Variants in ALG3 observed in about 807,000 individuals in gnomAD.
ALG3 encodes dol-P-Man:Man(5)GlcNAc(2)-PP-Dol alpha-1,3-mannosyltransferase.
In ALG3, 39 loss-of-function variants were observed where a neutral mutation model predicts 50.5. The ratio of observed to expected loss-of-function variants is 0.77; its 90% CI spans 0.60 to 1.01. The LOEUF (loss-of-function observed/expected upper bound fraction) is 1.01, where lower values mean the gene tolerates loss of function less well. ALG3 is among the 50% of genes least tolerant of loss of function. ALG3 has a pLI of 0.00. For synonymous variants in ALG3, 252 were observed against 237.2 expected (o/e 1.06, Z -0.58); for missense variants, 520 against 554.8 (o/e 0.94, Z 0.63).
intron 1 of ALG3, 32 bp from the exon 2 acceptor site, chr3:184,245,844 TG>T (rs1303232322): frequency 7.0e-6 from 11 of 1,573,614 alleles, no homozygotes; most frequent in Non-Finnish European, 8.7e-6. Flanking sequence ...TGGTTACTTC[TG>T]AGTCTAGAAC....
chr3:184,245,972 G>A (rs1719125342), intron 1 of ALG3, among the ~76,000 whole-genome samples, 160 bp from the exon 2 acceptor site: 1 of 152,092 alleles, frequency 6.6e-6, no homozygotes, highest in African/African-American at 2.4e-5. Flanking sequence ...GGTGAGCCCA[G>A]GCATCTCAAA....
rs766486730 is a variant in ALG3, at chr3:184,243,568, G to T, written c.995C>A (p.Pro332His). ...TTAAAGGATATGGTTGGGTGTAAGGGGCTGGGGTGGAACCTTCCTTTTGGA... is the reference window on the plus strand; with the variant it reads ...TTAAAGGATATGGTTGGGTGTAAGGTGCTGGGGTGGAACCTTCCTTTTGGA... ...DPSKRKVPPQ[P>H]LTPNQIVSTL... The change falls in exon 7 of 9, where the codon CCC (proline) becomes CAC (histidine). Residue 332 changes from proline to histidine, a missense_variant. Physicochemically the swap from Pro to His is moderately conservative, Grantham distance 77. Transcript: ENST00000397676. 1.1e-5 allele frequency: 17 copies of T among 1,613,866 alleles called. No homozygotes were observed. In the Admixed American group the frequency reaches 2.8e-4, roughly 27 times the overall value.
chr3:184,247,410 G>A (rs947562022), intron 1 of ALG3, among the ~76,000 whole-genome samples: 3 of 150,624 alleles, frequency 2.0e-5, no homozygotes, highest in South Asian at 2.1e-4. Flanking sequence ...CAATTCTCCT[G>A]TCTCAACCTC....
In ALG3 at chr3:184,248,773, G is replaced by A; in HGVS notation, c.168C>T (p.Ile56=). ...AACLCLAEVG[I]TFWVIHRVAY... is the part of the protein sequence containing the mutation. ...CCACCCTGTGAATGACCCAGAAGGT[G>A]ATGCCCACCTCCGCCAGGCAGAGGC... Residue 56 remains isoleucine (I), a synonymous_variant, in exon 1 of 9, where the codon ATC becomes ATT. Transcript: ENST00000397676. The A allele has an allele frequency of 6.3e-7, 1 of 1,596,572 alleles. No individual in the cohort carries two copies. The highest frequency in any genetic ancestry group is 8.6e-7 in the Non-Finnish European group (1 of 1,168,980).
In ALG3 at chr3:184,248,755, G is replaced by A. The variant is rs1302268373; in HGVS notation, c.186C>T (p.His62=). The change falls in exon 1 of 9, where the codon CAC becomes CAT. Residue 62 remains histidine, a synonymous_variant. Coordinates refer to ENST00000397676, the MANE Select transcript of ALG3 (RefSeq NM_005787.6). ...CCTCGGCGCACTCACATGCCACCCT[G>A]TGAATGACCCAGAAGGTGATGCCCA... The part of the protein sequence containing the change: ...AEVGITFWVI[H]RVAYTEIDWK... The A allele has an allele frequency of 3.8e-6, 6 of 1,563,766 alleles. No individual in the cohort carries two copies. Among genetic ancestry groups the A allele is most frequent in the Non-Finnish European group, 5.2e-6 (6 of 1,149,748 alleles).
At chr3:184,249,364 A>G, upstream of ALG3, 1 of 1,379,468 alleles carries the variant, frequency 7.2e-7, no homozygotes, top group Non-Finnish European at 9.9e-7. Context: ...TGCTGAGAAA[A>G]ATGAACCTTT....
chr3:184,244,915 C>G (rs940957376), intron 4 of ALG3, 194 bp from the exon 5 acceptor site: 1 of 772,606 alleles, frequency 1.3e-6, no homozygotes, highest in Non-Finnish European at 2.1e-6. Flanking sequence ...TACATAGTCT[C>G]TATGCCTACT....
In ALG3 at chr3:184,248,674, G is replaced by A. The variant is rs537361960; in HGVS notation, c.196+71C>T. 45 of 1,388,390 alleles carry A rather than the reference G, an allele frequency of 3.2e-5. 2 individuals are homozygous for A. The South Asian group carries it at 5.9e-4, about 18-fold the overall frequency. The allele number at this position is 1,388,390 out of a possible 1,614,324, so 86.0% of individuals were successfully genotyped here. A position where few individuals can be genotyped will look rare whatever the true frequency, so the allele number is the denominator to read the frequency against. On this transcript the variant is annotated intron_variant, in intron 1 of 8. Transcript: ENST00000397676. ...TACAGAGTCTGGTTTGGAGTTCCAG[G>A]TCTGAGATCCAGTTTGGGTCGCGGG...
Position 184,245,815 on chromosome 3 carries a change from G to A in ALG3, c.197-3C>T, listed in dbSNP as rs769136260. 2.5e-6 allele frequency: 4 copies of A among 1,610,738 alleles called. No individual in the cohort carries two copies. Among genetic ancestry groups the A allele is most frequent in the East Asian group, 4.5e-5 (2 of 44,852 alleles). The stretch of plus-strand genomic sequence containing the variant: ...GGCCTTCCAGTCAATCTCTGTGTCT[G>A]GAAGAAGACAAGATGATCTGGTTAC... On this transcript the variant is annotated splice_polypyrimidine_tract_variant and splice_region_variant and intron_variant, in intron 1 of 8. Coordinates refer to ENST00000397676, the MANE Select transcript of ALG3 (RefSeq NM_005787.6).
rs770044637 is a variant in ALG3 at position 184,248,874 on chromosome 3, G to A, written c.67C>T (p.Gln23Ter). The stretch of plus-strand genomic sequence containing the variant: ...TCTTGCCAGGCGCGCTGCAGCCATT[G>A]CTTGCAGAGTCCCTCTGCCTGGGCC... ...SAAQAEGLCK[Q>*]WLQRAWQERR... Residue 23 changes from glutamine (Q) to a stop codon, truncating the protein, a stop_gained, in exon 1 of 9, where the codon CAA becomes TAA. Transcript: ENST00000397676. LOFTEE classifies it high-confidence loss of function. 1.2e-6 allele frequency: 2 copies of A among 1,606,782 alleles called. No homozygotes were observed. The highest frequency in any genetic ancestry group is 1.7e-6 in the Non-Finnish European group (2 of 1,177,010).
chr3:184,248,421 C>A (rs1303882639), intron 1 of ALG3, among the ~76,000 whole-genome samples: 1 of 151,806 alleles, frequency 6.6e-6, no homozygotes, highest in Non-Finnish European at 1.5e-5. Flanking sequence ...CAGGAGGAGA[C>A]CTGAGGTGTC....
upstream of ALG3, chr3:184,249,514 G>A: frequency 2.6e-6 from 2 of 783,586 alleles, no homozygotes; most frequent in East Asian, 2.7e-5. Flanking sequence ...TTCAGGGTCT[G>A]GACGATAGTT....
At chr3:184,242,985 G>C in intron 7 of ALG3, 28 bp from the exon 8 acceptor site, 1 of 1,611,130 alleles carries the variant, frequency 6.2e-7, no homozygotes, top group Non-Finnish European at 8.5e-7. Flanking sequence ...CCAAGGGCAG[G>C]AGTGTGTGTG....
Position 184,247,990 on chromosome 3 carries a change from C to G in ALG3, c.196+755G>C, listed in dbSNP as rs558871061. On this transcript the variant is annotated intron_variant, in intron 1 of 8. Transcript: ENST00000397676. Reference sequence around the variant, plus strand: ...CCTCCCGAGTAGCTGGGACTACAGGCGCCCGCCACCATGCCCGGCTAAATT... The same window carrying G: ...CCTCCCGAGTAGCTGGGACTACAGGGGCCCGCCACCATGCCCGGCTAAATT... Among the ~76,000 whole-genome samples, 5 of 151,226 alleles carry G rather than the reference C, an allele frequency of 3.3e-5. No homozygotes were observed. The East Asian group carries it at 9.7e-4, about 29-fold the overall frequency.
chr3:184,242,985 G>A (rs1207747529), intron 7 of ALG3, 28 bp from the exon 8 acceptor site: 2 of 1,611,008 alleles, frequency 1.2e-6, no homozygotes, highest in African/African-American at 1.3e-5. Flanking sequence ...CCAAGGGCAG[G>A]AGTGTGTGTG....
At chr3:184,249,509 G>A (rs1172903089), upstream of ALG3, 5 of 769,590 alleles carry the variant, frequency 6.5e-6, no homozygotes, top group Non-Finnish European at 1.0e-5. Context: ...GAGGATTCAG[G>A]GTCTGGACGA....
intron 4 of ALG3, 102 bp from the exon 5 acceptor site, chr3:184,244,823 C>T (rs1224954936): frequency 6.8e-6 from 10 of 1,461,938 alleles, no homozygotes; most frequent in African/African-American, 4.2e-5. Flanking sequence ...ACCTCCCCCC[C>T]GCCGCCACGC....
At chr3:184,244,099 A>G (rs1718994525) in intron 5 of ALG3, 103 bp from the exon 6 acceptor site, 3 of 1,167,990 alleles carry the variant, frequency 2.6e-6, no homozygotes, top group Non-Finnish European at 3.6e-6. Flanking sequence ...TAGGCCTCAG[A>G]GGTTCCCCAA....
chr3:184,249,319 C>T, upstream of ALG3: 3 of 1,589,600 alleles, frequency 1.9e-6, no homozygotes, highest in Non-Finnish European at 2.6e-6. Context: ...AGCCCCTGTT[C>T]GCGCCCCTCC....
Sources: allele counts gnomAD v4.1 joint callset (sites outside exome capture counted in the v4.1 genomes callset), GRCh38; gene constraint gnomAD v4.1.1; transcripts MANE v1.5; gene names NCBI Gene and HGNC (gene_info 2026-07-23, HGNC 2026-07-21).